Variants in CHODL observed in about 807,000 individuals in gnomAD.
CHODL encodes the protein transmembrane protein MT75.
In CHODL, 29 loss-of-function variants were observed where a neutral mutation model predicts 34.5. That is an observed-to-expected ratio of 0.84 (90% CI 0.63 to 1.15). The LOEUF (loss-of-function observed/expected upper bound fraction) is 1.15, where lower values mean the gene tolerates loss of function less well. Ranked by LOEUF, CHODL falls within the 50% of genes most tolerant of loss-of-function variation. The probability of loss-of-function intolerance (pLI) is 0.00; values close to 1 mark genes in which losing one functional copy is unlikely to be tolerated. For synonymous variants in CHODL, 125 were observed against 116.1 expected, an observed-to-expected ratio of 1.08 and a Z score of -0.49; for missense variants, 332 against 332.5, an observed-to-expected ratio of 1.00 and a Z score of 0.01.
intron 2 of CHODL, among the ~76,000 whole-genome samples, chr21:18,232,373 A>G (rs2073988017): frequency 6.6e-6 from 1 of 152,200 alleles, no homozygotes; most frequent in African/African-American, 2.4e-5. Context: ...ACAGTTCTGG[A>G]GGCAGGGAAG....
intron 2 of CHODL, among the ~76,000 whole-genome samples, chr21:18,176,027 A>G (rs1201487134): frequency 6.6e-6 from 1 of 152,252 alleles, no homozygotes; most frequent in East Asian, 1.9e-4. Context: ...AGTAGTAATT[A>G]AATATATAGA....
chr21:18,255,096 T>C (rs115308556), intron 1 of CHODL, among the ~76,000 whole-genome samples: 3,474 of 152,160 alleles, frequency 0.023, 135 homozygotes, highest in African/African-American at 0.08. Flanking sequence ...GGTGGTTAAA[T>C]GGAATGCTGT....
chr21:18,067,593 C>A (rs1485759963), intron 2 of CHODL, among the ~76,000 whole-genome samples: 1 of 152,200 alleles, frequency 6.6e-6, no homozygotes, highest in Non-Finnish European at 1.5e-5. Context: ...TTTTTGACTT[C>A]TAGTCGTTAG....
chr21:18,052,866 C>G (rs535716998), intron 2 of CHODL, among the ~76,000 whole-genome samples: 31 of 148,650 alleles, frequency 2.1e-4, no homozygotes, highest in African/African-American at 7.0e-4. Context: ...ACTATTCTGG[C>G]TGACATGTTT....
intron 1 of CHODL, among the ~76,000 whole-genome samples, chr21:18,027,095 A>G (rs1386305748): frequency 1.5e-5 from 2 of 135,328 alleles, no homozygotes; most frequent in African/African-American, 5.7e-5. Context: ...TGGACAACAT[A>G]GTGAGACCCC....
chr21:17,920,017 CCTGGATTTCATTGTCCAT>C (rs1476285153), intron 1 of CHODL, among the ~76,000 whole-genome samples: 1 of 152,168 alleles, frequency 6.6e-6, no homozygotes. Flanking sequence ...ATCACCTTAG[CCTGGATTTCATTGTCCAT>C]ATCATTATCA....
chr21:18,233,852 G>A (rs918928585), intron 2 of CHODL, among the ~76,000 whole-genome samples: 1 of 151,916 alleles, frequency 6.6e-6, no homozygotes, highest in Non-Finnish European at 1.5e-5. Flanking sequence ...TATAATCAAG[G>A]TTTAAAAGTT....
chr21:18,115,726 G>A (rs544446706), intron 2 of CHODL, among the ~76,000 whole-genome samples: 4 of 152,186 alleles, frequency 2.6e-5, no homozygotes, highest in Non-Finnish European at 5.9e-5. Flanking sequence ...TCTCTTTATT[G>A]AGTGTTTCTT....
At chr21:17,942,210 T>G (rs2063370193) in intron 1 of CHODL, among the ~76,000 whole-genome samples, 1 of 152,232 alleles carries the variant, frequency 6.6e-6, no homozygotes, top group Non-Finnish European at 1.5e-5. Context: ...AGAAGTGATG[T>G]TTAAACATAG....
intron 2 of CHODL, among the ~76,000 whole-genome samples, chr21:18,059,976 T>C (rs1401982872): frequency 6.6e-6 from 1 of 152,166 alleles, no homozygotes; most frequent in Non-Finnish European, 1.5e-5. Context: ...ATTATTCCAC[T>C]GACCCATTAT....
At chr21:18,247,580 C>T (rs1273539329) in intron 1 of CHODL, among the ~76,000 whole-genome samples, 1 of 152,020 alleles carries the variant, frequency 6.6e-6, no homozygotes, top group African/African-American at 2.4e-5. Flanking sequence ...ACAACTTCGT[C>T]ATCGTAATCT....
chr21:18,256,409 T>C (rs1003924360), intron 1 of CHODL, 100 bp from the exon 2 acceptor site: 37 of 1,084,482 alleles, frequency 3.4e-5, no homozygotes, highest in Non-Finnish European at 4.2e-5. Flanking sequence ...TTTCTGGTAA[T>C]GTATTTTCTG....
At chr21:18,049,252 T>C (rs1400865941) in intron 2 of CHODL, among the ~76,000 whole-genome samples, 1 of 151,918 alleles carries the variant, frequency 6.6e-6, no homozygotes, top group East Asian at 1.9e-4. Flanking sequence ...TTGTGACTTA[T>C]GGTGATCAAA....
chr21:18,122,869 G>A (rs746019891), intron 2 of CHODL, among the ~76,000 whole-genome samples: 3 of 151,906 alleles, frequency 2.0e-5, no homozygotes, highest in African/African-American at 7.3e-5. Flanking sequence ...TATGTTTATC[G>A]TTTGATGTAA....
intron 2 of CHODL, among the ~76,000 whole-genome samples, chr21:18,107,167 A>G (rs969350864): frequency 5.9e-5 from 9 of 152,166 alleles, no homozygotes; most frequent in East Asian, 3.9e-4. Context: ...CAGTTTGCCT[A>G]TTGTTTACAG....
At chr21:17,991,922 C>A (rs1290168383) in intron 1 of CHODL, among the ~76,000 whole-genome samples, 3 of 151,998 alleles carry the variant, frequency 2.0e-5, no homozygotes, top group African/African-American at 7.2e-5. Flanking sequence ...GATGCATTTC[C>A]CCTATGTTTT....
intron 2 of CHODL, among the ~76,000 whole-genome samples, chr21:18,074,883 T>A (rs1224572202): frequency 6.6e-6 from 1 of 152,056 alleles, no homozygotes; most frequent in African/African-American, 2.4e-5. Flanking sequence ...AATGGGGAGT[T>A]GATACATTTG....
intron 2 of CHODL, among the ~76,000 whole-genome samples, chr21:18,090,678 G>A (rs1284927751): frequency 2.1e-5 from 3 of 143,622 alleles, no homozygotes; most frequent in Non-Finnish European, 4.5e-5. Flanking sequence ...ATAAAAAAAT[G>A]TAGAGTATAA....
At chr21:17,935,318 A>G (rs2063310398) in intron 1 of CHODL, among the ~76,000 whole-genome samples, 1 of 152,198 alleles carries the variant, frequency 6.6e-6, no homozygotes, top group Non-Finnish European at 1.5e-5. Flanking sequence ...TGTAGGAAAA[A>G]ATGGTTAAGT....
Sources: allele counts gnomAD v4.1 joint callset (sites outside exome capture counted in the v4.1 genomes callset), GRCh38; gene constraint gnomAD v4.1.1; transcripts MANE v1.5; gene names NCBI Gene and HGNC (gene_info 2026-07-23, HGNC 2026-07-21).